The following ANKRD30B variants were observed in gnomAD, a reference collection of about 807,000 sequenced individuals.
ANKRD30B encodes the protein ankyrin repeat domain 30B, also known as ankyrin repeat domain-containing protein 30B.
A neutral mutation model predicts 202.2 loss-of-function variants in ANKRD30B; 144 were observed. The ratio of observed to expected loss-of-function variants is 0.71; its 90% confidence interval spans 0.62 to 0.82. The LOEUF (loss-of-function observed/expected upper bound fraction) is 0.82, where lower values mean the gene tolerates loss of function less well. Among genes scored for constraint, ANKRD30B ranks in the 40% least tolerant of loss-of-function variants. The probability of loss-of-function intolerance (pLI) is 0.00; values close to 1 mark genes in which losing one functional copy is unlikely to be tolerated. For synonymous variants in ANKRD30B, 508 were observed against 561.3 expected (o/e 0.91, Z 1.34); for missense variants, 1,487 against 1,669.1 (o/e 0.89, Z 1.90).
At chr18:14,800,655 C>A (rs925595704) in intron 22 of ANKRD30B, among the ~76,000 whole-genome samples, 1 of 144,544 alleles carries the variant, frequency 6.9e-6, no homozygotes, top group African/African-American at 2.6e-5. Context: ...CCATTTATTG[C>A]CTAGAAGTAA....
chr18:14,808,873 A>C lies in ANKRD30B; in HGVS notation c.2386+129A>C, dbSNP rs185585110. ...TGGGAAAATTTGATACAAATAATGC[A>C]AATGTTAGTATTTATGTTTGAGAAA... is the stretch of plus-strand genomic sequence containing the variant. On this transcript the variant is annotated intron_variant, in intron 26 of 43. Coordinates refer to ENST00000690538, the MANE Select transcript of ANKRD30B (RefSeq NM_001367607.2). 881 of 825,018 alleles carry C rather than the reference A, an allele frequency of 1.1e-3. 14 individuals are homozygous for C. The highest frequency in any genetic ancestry group is 4.0e-3 in the Admixed American group (136 of 33,898). 51.1% of individuals were successfully genotyped at this position (825,018 alleles called of 1,614,324 possible).
chr18:14,841,403 C>T (rs1486946624), intron 37 of ANKRD30B, among the ~76,000 whole-genome samples: 1 of 152,060 alleles, frequency 6.6e-6, no homozygotes, highest in Non-Finnish European at 1.5e-5. Context: ...TCTTAAGTAG[C>T]AAGGGAACAG....
chr18:14,752,782 A>C, intron 2 of ANKRD30B, 57 bp from the exon 3 acceptor site: 1 of 1,553,860 alleles, frequency 6.4e-7, no homozygotes, highest in East Asian at 2.4e-5. Context: ...AAACCTGTGG[A>C]ATACTTATTT....
chr18:14,865,118 C>G, the ANKRD30B span, among the ~76,000 whole-genome samples: 1 of 151,734 alleles, frequency 6.6e-6, no homozygotes, highest in Non-Finnish European at 1.5e-5. Context: ...CCCTCTTCTC[C>G]CCCTCCATCT....
chr18:14,826,587 A>C (rs2143035957), intron 32 of ANKRD30B, among the ~76,000 whole-genome samples: 1 of 151,836 alleles, frequency 6.6e-6, no homozygotes, highest in Admixed American at 6.6e-5. Context: ...TCAAAACCTA[A>C]GGGTCATGTG....
chr18:14,914,548 G>T, the ANKRD30B span, among the ~76,000 whole-genome samples: 1 of 152,182 alleles, frequency 6.6e-6, no homozygotes, highest in Non-Finnish European at 1.5e-5. Flanking sequence ...TTCTGGAAGG[G>T]TATGATGGCT....
At chr18:14,806,327 G>A (rs1214049551) in intron 24 of ANKRD30B, among the ~76,000 whole-genome samples, 21 of 150,856 alleles carry the variant, frequency 1.4e-4, no homozygotes, top group East Asian at 1.9e-4. Context: ...ACAGATGTCA[G>A]CAAGCCTTTG....
chr18:14,836,296 A>G (rs1971167704), intron 34 of ANKRD30B, among the ~76,000 whole-genome samples: 1 of 152,034 alleles, frequency 6.6e-6, no homozygotes, highest in East Asian at 1.9e-4. Flanking sequence ...GACTCTTTGT[A>G]ATCTACTCTG....
At chr18:14,823,338 C>A (rs1337333018) in intron 32 of ANKRD30B, among the ~76,000 whole-genome samples, 3 of 122,010 alleles carry the variant, frequency 2.5e-5, no homozygotes, top group Non-Finnish European at 3.4e-5. Context: ...TGAATTTTGA[C>A]ACTGTGAAAT....
At chr18:14,909,463 A>G in the ANKRD30B span, among the ~76,000 whole-genome samples, 1 of 152,180 alleles carries the variant, frequency 6.6e-6, no homozygotes. Context: ...GCTGGAGTGC[A>G]GTGGTGTGAT....
the ANKRD30B span, among the ~76,000 whole-genome samples, chr18:14,904,135 T>G: frequency 6.6e-6 from 1 of 152,224 alleles, no homozygotes; most frequent in Non-Finnish European, 1.5e-5. Context: ...CATGGGGCAT[T>G]GACCTACTGT....
At chr18:14,919,074 A>C in the ANKRD30B span, among the ~76,000 whole-genome samples, 1 of 152,078 alleles carries the variant, frequency 6.6e-6, no homozygotes, top group African/African-American at 2.4e-5. Flanking sequence ...ATTAGAAATT[A>C]CTCGGTTCCA....
intron 32 of ANKRD30B, among the ~76,000 whole-genome samples, chr18:14,823,806 T>C (rs1254940605): frequency 6.6e-6 from 1 of 152,086 alleles, no homozygotes; most frequent in Non-Finnish European, 1.5e-5. Context: ...AAACCCTATC[T>C]CTACTAAAAA....
chr18:14,831,198 A>AAAAC (rs1235007247), intron 33 of ANKRD30B, among the ~76,000 whole-genome samples, 185 bp from the exon 34 acceptor site: 1 of 151,052 alleles, frequency 6.6e-6, no homozygotes, highest in African/African-American at 2.4e-5. Context: ...AAAAAAAAAA[A>AAAAC]AACGAAAACC....
At chr18:14,842,764 A>G in intron 37 of ANKRD30B, 133 bp from the exon 38 acceptor site, 1 of 832,058 alleles carries the variant, frequency 1.2e-6, no homozygotes, top group South Asian at 2.0e-5. Context: ...ACATACCGAA[A>G]GAAAACCCCC....
At chr18:14,910,601 T>G in the ANKRD30B span, among the ~76,000 whole-genome samples, 3 of 151,932 alleles carry the variant, frequency 2.0e-5, no homozygotes, top group Non-Finnish European at 2.9e-5. Flanking sequence ...AGAGCAAGTT[T>G]TTTTTTGATA....
intron 15 of ANKRD30B, among the ~76,000 whole-genome samples, chr18:14,787,620 G>A (rs910150761): frequency 6.6e-6 from 1 of 152,146 alleles, no homozygotes; most frequent in African/African-American, 2.4e-5. Flanking sequence ...TGAGGAATAG[G>A]AAACCTTGTG....
the ANKRD30B span, among the ~76,000 whole-genome samples, chr18:14,860,796 C>T: frequency 6.6e-6 from 1 of 152,014 alleles, no homozygotes; most frequent in South Asian, 2.1e-4. Flanking sequence ...CCTCTGCTTC[C>T]TGGATTCAAG....
intron 30 of ANKRD30B, chr18:14,817,134 C>T (rs1193037043): frequency 6.6e-6 from 1 of 152,182 alleles, no homozygotes; most frequent in African/African-American, 2.4e-5. Flanking sequence ...TTTAATTAGA[C>T]TCTCTTCATG....
Sources: gnomAD v4.1 joint callset for allele counts (sites outside exome capture counted in the v4.1 genomes callset) on GRCh38, gnomAD v4.1.1 for gene constraint, MANE v1.5 for transcripts, NCBI Gene and HGNC (gene_info 2026-07-23, HGNC 2026-07-21) for gene names.